APOL2: variants seen among roughly 807,000 people sequenced by gnomAD.
APOL2 encodes the protein apolipoprotein L2.
A neutral mutation model predicts 7.1 loss-of-function variants in APOL2; 8 were observed. The observed-to-expected ratio is 1.12, with a 90% CI of 0.66 to 2.03. The LOEUF (loss-of-function observed/expected upper bound fraction) is 2.03, where lower values mean the gene tolerates loss of function less well. Ranked by LOEUF, APOL2 falls within the 30% of genes most tolerant of loss-of-function variation. The pLI is 0.00. For missense variants in APOL2, 471 were observed against 415.1 expected (o/e 1.13, Z -1.17); for synonymous variants, 177 against 159.9 (o/e 1.11, Z -0.81).
chr22:36,235,646 G>A (rs1176997957), intron 1 of APOL2, among the ~76,000 whole-genome samples: 1 of 151,412 alleles, frequency 6.6e-6, no homozygotes, highest in Non-Finnish European at 1.5e-5. Context: ...GATGACAGAG[G>A]AAAAGGAGCT....
At chr22:36,236,562 G>T (rs1569532923) in intron 1 of APOL2, 2 of 985,364 alleles carry the variant, frequency 2.0e-6, no homozygotes, top group East Asian at 2.3e-4. Context: ...CCCAGTTAGG[G>T]GCGGCTCCAA....
chr22:36,237,060 C>T (rs1183455225), intron 1 of APOL2: 11 of 1,505,848 alleles, frequency 7.3e-6, no homozygotes, highest in Non-Finnish European at 9.8e-6. Context: ...GGGCCTCGGA[C>T]CTGCCCAATA....
At chr22:36,232,753 T>A (rs1238480105) in intron 3 of APOL2, among the ~76,000 whole-genome samples, 1 of 152,078 alleles carries the variant, frequency 6.6e-6, no homozygotes, top group African/African-American at 2.4e-5. Context: ...GAAAAAACCC[T>A]GGGTCAGCAG....
intron 1 of APOL2, chr22:36,236,781 T>G (rs2015417935): frequency 1.8e-6 from 2 of 1,085,190 alleles, no homozygotes; most frequent in African/African-American, 1.7e-5. Context: ...GGCATCCAGA[T>G]ATCTGTCTTC....
chr22:36,237,929 C>T (rs2015465225), intron 1 of APOL2, among the ~76,000 whole-genome samples: 1 of 152,154 alleles, frequency 6.6e-6, no homozygotes, highest in African/African-American at 2.4e-5. Flanking sequence ...TCAGCTGCTC[C>T]CTCGCCCTGG....
Position 36,228,203 on chromosome 22 carries a change from T to C in APOL2, c.215A>G (p.Asp72Gly). ...CCACTGCCTGTGCTGCTGGTCTTTA[T>C]CGTGGCGGTTTTTGTCCTTCATGAC... is the stretch of plus-strand genomic sequence containing the variant. ...HMVMKDKNRH[D>G]KDQQHRQWFL... is the part of the protein sequence containing the mutation. Residue 72 changes from aspartate (D) to glycine (G), a missense_variant, in exon 5 of 5, where the codon GAT becomes GGT. By Grantham distance (94) the Asp-to-Gly change is moderately conservative. Transcript: ENST00000358502. 6.2e-7 allele frequency: 1 copy of C among 1,614,224 alleles called. No homozygotes were observed. The highest frequency in any genetic ancestry group is 8.5e-7 in the Non-Finnish European group (1 of 1,180,034).
chr22:36,230,324 T>G (rs1569532556), intron 4 of APOL2, among the ~76,000 whole-genome samples: 1 of 152,166 alleles, frequency 6.6e-6, no homozygotes, highest in East Asian at 1.9e-4. Flanking sequence ...AGTCCAGAAC[T>G]CACCAGTTCC....
intron 3 of APOL2, 140 bp from the exon 4 acceptor site, chr22:36,231,606 GAGGGA>G: frequency 9.5e-7 from 1 of 1,056,738 alleles, no homozygotes; most frequent in South Asian, 1.6e-5. Context: ...CAGTGCTATA[GAGGGA>G]TTGTGTGCCC....
Position 36,227,512 on chromosome 22 carries a change from TG to T in APOL2, c.905del (p.Ala302GlufsTer9). ...TCAGCTCCTCAGCTGACTCTGACTTTGCCCCCTCAAGCAAGTGCTTTGACTC... is the reference window on the plus strand; with the variant it reads ...TCAGCTCCTCAGCTGACTCTGACTTTCCCCCTCAAGCAAGTGCTTTGACTC... ...AYESKHLLEG[A>X]KSESAEELKK... On this transcript the variant is annotated frameshift_variant, in exon 5 of 5. Transcript: ENST00000358502. LOFTEE classifies it low-confidence loss of function (END_TRUNC). The T allele has an allele frequency of 6.2e-7, 1 of 1,614,152 alleles. No individual in the cohort carries two copies. The highest frequency in any genetic ancestry group is 8.5e-7 in the Non-Finnish European group (1 of 1,180,018).
intron 4 of APOL2, among the ~76,000 whole-genome samples, chr22:36,229,238 A>G (rs933620400): frequency 2.6e-5 from 4 of 152,154 alleles, no homozygotes; most frequent in African/African-American, 9.7e-5. Context: ...AGGCCAGTTT[A>G]GCAGGAACCC....
intron 1 of APOL2, among the ~76,000 whole-genome samples, chr22:36,237,673 C>A (rs1449857423): frequency 2.6e-5 from 4 of 152,168 alleles, no homozygotes; most frequent in South Asian, 2.1e-4. Flanking sequence ...CTGCCTCCCA[C>A]AGCACTGAAT....
intron 1 of APOL2, chr22:36,236,961 C>T (rs2015424009): frequency 1.5e-6 from 2 of 1,358,770 alleles, no homozygotes; most frequent in Non-Finnish European, 9.5e-7. Context: ...ACACCCTAGG[C>T]CAGGGGAGCT....
At chr22:36,233,605 T>C (rs1423008986) in intron 1 of APOL2, 150 bp from the exon 2 acceptor site, 18 of 701,052 alleles carry the variant, frequency 2.6e-5, no homozygotes, top group South Asian at 1.7e-5. Flanking sequence ...TAGTTGATGA[T>C]AGCCAGTGTG....
intron 1 of APOL2, among the ~76,000 whole-genome samples, chr22:36,235,160 T>C (rs1450193210): frequency 2.0e-5 from 3 of 152,182 alleles, no homozygotes; most frequent in African/African-American, 7.2e-5. Context: ...CCACGTGCCA[T>C]ATGGGATTCA....
At position 36,234,386 on chromosome 22, in the gene APOL2, A is replaced by G. The variant is rs559636920; in HGVS notation, c.-133-931T>C. 3.3e-5 allele frequency: 5 copies of G among 152,256 alleles called. No homozygotes were observed. The East Asian group carries it at 5.8e-4, about 18-fold the overall frequency. The allele number at this position is 152,256 out of a possible 1,614,324, so 9.4% of individuals were successfully genotyped here. On this transcript the variant is annotated intron_variant, in intron 1 of 4. Transcript: ENST00000358502. ...ACATTATTCCTTGAGACAAGGTCTC[A>G]CTCCTAGTATGCAGCCCAGGCTGCT...
Position 36,235,756 on chromosome 22 carries a change from GGTGT to G in APOL2, c.-133-2305_-133-2302del, listed in dbSNP as rs869225053. On this transcript the variant is annotated intron_variant, in intron 1 of 4. Transcript: ENST00000358502. ...GGGAGGAAGAAAGGGTGGGTGGGTG[GGTGT>G]GTGTGTGTGTGTGTGTGTGTGTGTG... 2.4e-3 allele frequency among the ~76,000 whole-genome samples: 273 copies of G among 113,108 alleles called. 3 individuals are homozygous for G. In the East Asian group the frequency reaches 0.025, roughly 10 times the overall value. 74.2% of individuals were successfully genotyped at this position (113,108 alleles called of 152,430 possible).
At chr22:36,236,985 C>G in intron 1 of APOL2, 1 of 1,386,554 alleles carries the variant, frequency 7.2e-7, no homozygotes, top group Non-Finnish European at 9.4e-7. Context: ...TCAACGCCAT[C>G]TCATGAGCCA....
intron 4 of APOL2, among the ~76,000 whole-genome samples, chr22:36,230,290 GA>G (rs2015172874): frequency 6.6e-6 from 1 of 152,200 alleles, no homozygotes; most frequent in Non-Finnish European, 1.5e-5. Flanking sequence ...TCTCTGTGTA[GA>G]AGAGAAGAAG....
chr22:36,227,383 G>A lies in APOL2; in HGVS notation c.*21C>T, dbSNP rs1455728856. The A allele has an allele frequency of 1.3e-6, 2 of 1,568,898 alleles. No homozygotes were observed. Among genetic ancestry groups the A allele is most frequent in the South Asian group, 1.2e-5 (1 of 83,372 alleles). On this transcript the variant is annotated 3_prime_UTR_variant, in exon 5 of 5. Coordinates refer to ENST00000358502, the MANE Select transcript of APOL2 (RefSeq NM_030882.4). ...GGCCTGTGCCCGGCATTTCTGCCCT[G>A]GTGGCTGCACTGCTCTGGGGTCATT...
Sources: allele counts gnomAD v4.1 joint callset (sites outside exome capture counted in the v4.1 genomes callset), GRCh38; gene constraint gnomAD v4.1.1; transcripts MANE v1.5; gene names NCBI Gene and HGNC (gene_info 2026-07-23, HGNC 2026-07-21).